KCNIP1: variants seen among roughly 807,000 people sequenced by gnomAD.
KCNIP1 encodes potassium voltage-gated channel interacting protein 1.
KCNIP1 carries 18 observed loss-of-function variants against 33.0 expected under a neutral mutation model. The observed-to-expected ratio is 0.55, with a 90% confidence interval of 0.38 to 0.81. KCNIP1 has a LOEUF of 0.81. Ranked by LOEUF, KCNIP1 falls within the 30% of genes least tolerant of loss-of-function variation. The probability of loss-of-function intolerance (pLI) is 0.00; values close to 1 mark genes in which losing one functional copy is unlikely to be tolerated. For synonymous variants in KCNIP1, 93 were observed against 98.3 expected (o/e 0.95, Z 0.32); for missense variants, 238 against 271.6 (o/e 0.88, Z 0.87).
intron 1 of KCNIP1, among the ~76,000 whole-genome samples, chr5:170,435,888 G>T (rs546007333): frequency 7.6e-4 from 116 of 152,140 alleles, no homozygotes; most frequent in Non-Finnish European, 1.2e-3. Context: ...TGCGCAGGGA[G>T]GCCACCACTA....
At chr5:170,481,735 T>G (rs1756981751) in intron 1 of KCNIP1, among the ~76,000 whole-genome samples, 1 of 152,236 alleles carries the variant, frequency 6.6e-6, no homozygotes, top group Admixed American at 6.5e-5. Context: ...TAACCTTATC[T>G]GAAGGGGCTT....
chr5:170,627,520 C>T (rs1675383915), intron 1 of KCNIP1, among the ~76,000 whole-genome samples: 1 of 152,234 alleles, frequency 6.6e-6, no homozygotes, highest in African/African-American at 2.4e-5. Flanking sequence ...AGGGCCAGTC[C>T]CAAGAAAACA....
chr5:170,574,924 GTTGT>G (rs897219075), intron 1 of KCNIP1, among the ~76,000 whole-genome samples: 9 of 152,202 alleles, frequency 5.9e-5, no homozygotes, highest in Admixed American at 1.3e-4. Context: ...GCCAGGGTTT[GTTGT>G]TTGTTTGTTT....
intron 1 of KCNIP1, among the ~76,000 whole-genome samples, chr5:170,653,042 C>T (rs931001418): frequency 1.3e-5 from 2 of 152,214 alleles, no homozygotes; most frequent in Non-Finnish European, 2.9e-5. Flanking sequence ...GAGCACACAG[C>T]TGGGTCGGGG....
Position 170,490,804 on chromosome 5 carries a change from C to A in KCNIP1, c.88+136840C>A, listed in dbSNP as rs551352651. On this transcript the variant is annotated intron_variant, in intron 1 of 7. Coordinates refer to the KCNIP1 transcript ENST00000377360. ...CAACCTCTCCCCAAGCTCCCTAGGC[C>A]CAGCCCCATCCCCTTCTCTCTGCAC... Among the ~76,000 whole-genome samples the A allele has an allele frequency of 3.0e-4, 46 of 152,302 alleles. No individual in the cohort carries two copies. The South Asian group carries it at 8.7e-3, about 29-fold the overall frequency.
intron 1 of KCNIP1, among the ~76,000 whole-genome samples, chr5:170,509,312 T>C (rs1446180216): frequency 6.6e-5 from 10 of 152,150 alleles, no homozygotes; most frequent in African/African-American, 2.4e-4. Context: ...ACAGTTCTGG[T>C]CCCTCAATCC....
At chr5:170,516,433 C>T (rs1422120285) in intron 1 of KCNIP1, among the ~76,000 whole-genome samples, 1 of 152,150 alleles carries the variant, frequency 6.6e-6, no homozygotes, top group Non-Finnish European at 1.5e-5. Flanking sequence ...TTCGAGCATC[C>T]CAGGACAGTA....
At chr5:170,488,964 G>C (rs1486682796) in intron 1 of KCNIP1, among the ~76,000 whole-genome samples, 1 of 152,218 alleles carries the variant, frequency 6.6e-6, no homozygotes, top group African/African-American at 2.4e-5. Context: ...GAGGTGTGGG[G>C]TGTAATTACC....
intron 1 of KCNIP1, among the ~76,000 whole-genome samples, chr5:170,682,677 G>C (rs1762389605): frequency 6.6e-6 from 1 of 150,990 alleles, no homozygotes; most frequent in Non-Finnish European, 1.5e-5. Context: ...CAGAGCCCCT[G>C]TTCTCCACCA....
At chr5:170,573,850 C>T (rs1224189727) in intron 1 of KCNIP1, among the ~76,000 whole-genome samples, 1 of 152,150 alleles carries the variant, frequency 6.6e-6, no homozygotes, top group Non-Finnish European at 1.5e-5. Context: ...TGGGCCAAGA[C>T]AGAAAGTTGG....
chr5:170,644,197 A>G (rs1370995909), intron 1 of KCNIP1, among the ~76,000 whole-genome samples: 10 of 152,276 alleles, frequency 6.6e-5, no homozygotes, highest in East Asian at 3.9e-4. Flanking sequence ...TCTTTCTGCA[A>G]ATATTCACCA....
intron 1 of KCNIP1, among the ~76,000 whole-genome samples, chr5:170,718,488 A>T (rs1182826390): frequency 6.6e-6 from 1 of 152,216 alleles, no homozygotes; most frequent in Admixed American, 6.5e-5. Flanking sequence ...AAATGTTTTC[A>T]TATGGATTTA....
chr5:170,507,712 T>C (rs550088895), intron 1 of KCNIP1, among the ~76,000 whole-genome samples: 1 of 152,234 alleles, frequency 6.6e-6, no homozygotes, highest in Non-Finnish European at 1.5e-5. Context: ...GCAAAAACTC[T>C]GCATGATTAG....
At chr5:170,438,165 C>A (rs1407965657) in intron 1 of KCNIP1, among the ~76,000 whole-genome samples, 1 of 152,274 alleles carries the variant, frequency 6.6e-6, no homozygotes, top group East Asian at 1.9e-4. Flanking sequence ...AGGCCCCAAA[C>A]CTTGCCCAGC....
intron 1 of KCNIP1, among the ~76,000 whole-genome samples, chr5:170,511,843 C>G (rs1462111501): frequency 6.6e-6 from 1 of 152,222 alleles, no homozygotes; most frequent in African/African-American, 2.4e-5. Context: ...ATACTAACCT[C>G]CTCTCCTCCT....
At chr5:170,733,693 T>C (rs1764287976) in intron 6 of KCNIP1, 143 bp from the exon 7 acceptor site, 2 of 653,222 alleles carry the variant, frequency 3.1e-6, no homozygotes, top group African/African-American at 1.8e-5. Flanking sequence ...AAGACAACTC[T>C]CATTCTCAGG....
intron 1 of KCNIP1, among the ~76,000 whole-genome samples, chr5:170,498,557 G>A (rs954648396): frequency 1.3e-5 from 2 of 152,168 alleles, no homozygotes; most frequent in Non-Finnish European, 2.9e-5. Context: ...TTTGCAATGA[G>A]GAGATGATTT....
chr5:170,412,003 C>T (rs1755203958), intron 1 of KCNIP1, among the ~76,000 whole-genome samples: 1 of 152,128 alleles, frequency 6.6e-6, no homozygotes, highest in African/African-American at 2.4e-5. Flanking sequence ...TTTGGCAGTA[C>T]TAGTTCCCCC....
intron 1 of KCNIP1, chr5:170,383,682 C>A (rs770320834): frequency 1.2e-6 from 2 of 1,614,164 alleles, no homozygotes; most frequent in East Asian, 2.2e-5. Context: ...TCAGTACCTG[C>A]TGGTTCTGGT....
Sources: allele counts gnomAD v4.1 joint callset (sites outside exome capture counted in the v4.1 genomes callset), GRCh38; gene constraint gnomAD v4.1.1; transcripts MANE v1.5; gene names NCBI Gene and HGNC (gene_info 2026-07-23, HGNC 2026-07-21).